The following SLC4A4 variants were observed in gnomAD, a reference collection of about 807,000 sequenced individuals.
SLC4A4 encodes the protein solute carrier family 4 member 4, also known as electrogenic sodium bicarbonate cotransporter 1.
Under a neutral mutation model 111.5 loss-of-function variants are expected in SLC4A4, and 27 were observed. The ratio of observed to expected loss-of-function variants is 0.24; its 90% CI spans 0.18 to 0.33. The LOEUF is 0.33. Ranked by LOEUF, SLC4A4 falls within the 10% of genes least tolerant of loss-of-function variation. The probability of loss-of-function intolerance (pLI) is 1.00; values close to 1 mark genes in which losing one functional copy is unlikely to be tolerated. For synonymous variants in SLC4A4, 443 were observed against 463.4 expected (o/e 0.96, Z 0.57); for missense variants, 909 against 1,315.5 (o/e 0.69, Z 4.78).
intron 15 of SLC4A4, among the ~76,000 whole-genome samples, chr4:71,495,458 A>G (rs987162554): frequency 9.9e-5 from 15 of 152,142 alleles, no homozygotes; most frequent in Admixed American, 8.5e-4. Context: ...AAAATGAGAT[A>G]TGATTAATCA....
intron 6 of SLC4A4, among the ~76,000 whole-genome samples, chr4:71,365,959 C>T (rs1053603224): frequency 1.1e-4 from 16 of 152,116 alleles, no homozygotes; most frequent in Non-Finnish European, 1.9e-4. Flanking sequence ...TAATTTATTT[C>T]CCACACATCA....
chr4:71,524,824 C>T (rs1030553717), intron 16 of SLC4A4, among the ~76,000 whole-genome samples: 1 of 152,018 alleles, frequency 6.6e-6, no homozygotes, highest in Admixed American at 6.6e-5. Flanking sequence ...TTTCCAAGCA[C>T]CACAATCACT....
chr4:71,452,725 T>C (rs574783825), intron 11 of SLC4A4, among the ~76,000 whole-genome samples: 1 of 152,274 alleles, frequency 6.6e-6, no homozygotes, highest in South Asian at 2.1e-4. Flanking sequence ...TGCTGACATT[T>C]GTCATGGGAC....
chr4:71,538,657 T>C (rs1441800527), intron 18 of SLC4A4, among the ~76,000 whole-genome samples: 1 of 152,098 alleles, frequency 6.6e-6, no homozygotes. Context: ...AGCATTGTGG[T>C]ATTAAAAACA....
chr4:71,248,841 A>C (rs1355650582), intron 2 of SLC4A4, among the ~76,000 whole-genome samples: 1 of 152,160 alleles, frequency 6.6e-6, no homozygotes, highest in African/African-American at 2.4e-5. Context: ...CCTTCATCTA[A>C]GACTATAATT....
intron 20 of SLC4A4, among the ~76,000 whole-genome samples, chr4:71,549,949 A>G (rs1048434353): frequency 1.3e-5 from 2 of 151,916 alleles, no homozygotes; most frequent in African/African-American, 4.8e-5. Context: ...AAGAAGGCAG[A>G]GAGCTGTAAG....
At chr4:71,290,357 G>C (rs1446020745) in intron 3 of SLC4A4, among the ~76,000 whole-genome samples, 9 of 152,126 alleles carry the variant, frequency 5.9e-5, no homozygotes, top group Admixed American at 5.9e-4. Flanking sequence ...AGTATAGTCA[G>C]CAAATGAGAC....
chr4:71,340,355 AT>A (rs1380597529), intron 4 of SLC4A4, among the ~76,000 whole-genome samples: 1 of 152,224 alleles, frequency 6.6e-6, no homozygotes, highest in Non-Finnish European at 1.5e-5. Context: ...ACAGTAAGAT[AT>A]TTTGAGAGAG....
At chr4:71,423,073 G>A (rs972802391) in intron 7 of SLC4A4, among the ~76,000 whole-genome samples, 1 of 152,150 alleles carries the variant, frequency 6.6e-6, no homozygotes. Context: ...CGACATGGTT[G>A]TATATCTAGA....
intron 18 of SLC4A4, among the ~76,000 whole-genome samples, chr4:71,539,390 TG>T (rs1337461208): frequency 2.0e-4 from 31 of 152,118 alleles, no homozygotes; most frequent in Non-Finnish European, 2.1e-4. Flanking sequence ...TGTCCTAGCC[TG>T]GGTTTTAAGA....
chr4:71,303,767 C>G (rs1725457732), intron 3 of SLC4A4, among the ~76,000 whole-genome samples: 2 of 151,802 alleles, frequency 1.3e-5, no homozygotes, highest in South Asian at 2.1e-4. Flanking sequence ...CTTTCTTCTT[C>G]CCCTCCCTCC....
At chr4:71,396,791 G>A (rs557828061) in intron 6 of SLC4A4, among the ~76,000 whole-genome samples, 1 of 152,174 alleles carries the variant, frequency 6.6e-6, no homozygotes, top group African/African-American at 2.4e-5. Flanking sequence ...GAAATCATTG[G>A]ATGGATCACC....
intron 1 of SLC4A4, among the ~76,000 whole-genome samples, chr4:71,187,670 A>T (rs913879811): frequency 6.6e-6 from 1 of 152,062 alleles, no homozygotes; most frequent in Admixed American, 6.5e-5. Context: ...CCTCACTGCT[A>T]AGTCCCCTGC....
intron 6 of SLC4A4, among the ~76,000 whole-genome samples, chr4:71,369,611 A>G (rs529708135): frequency 4.7e-4 from 71 of 152,296 alleles, no homozygotes; most frequent in South Asian, 2.1e-3. Context: ...AATACCTACT[A>G]TATGCCAGAA....
At chr4:71,555,238 G>A in intron 21 of SLC4A4, 30 bp downstream of exon 21, 1 of 1,436,102 alleles carries the variant, frequency 7.0e-7, no homozygotes, top group Non-Finnish European at 9.8e-7. Flanking sequence ...TGTAAGTACA[G>A]TAGTGTTTTT....
chr4:71,405,145 A>G (rs908654622), intron 7 of SLC4A4, among the ~76,000 whole-genome samples: 2 of 152,062 alleles, frequency 1.3e-5, no homozygotes, highest in Admixed American at 6.6e-5. Context: ...TACTATAGTA[A>G]CATGTTATTA....
At chr4:71,514,651 A>C (rs1049958830) in intron 16 of SLC4A4, among the ~76,000 whole-genome samples, 2 of 152,182 alleles carry the variant, frequency 1.3e-5, no homozygotes, top group African/African-American at 4.8e-5. Context: ...GAGACATTTT[A>C]TTACTGATTC....
intron 2 of SLC4A4, among the ~76,000 whole-genome samples, chr4:71,158,097 CTG>C (rs139897656): frequency 0.11 from 15,124 of 136,734 alleles, 723 homozygotes; most frequent in African/African-American, 0.2. Context: ...ATCCTTGACT[CTG>C]TGTGTGTGTG....
chr4:71,242,514 G>A (rs1338914885), intron 2 of SLC4A4, among the ~76,000 whole-genome samples: 3 of 152,006 alleles, frequency 2.0e-5, no homozygotes, highest in Non-Finnish European at 4.4e-5. Flanking sequence ...TGTAAAATGG[G>A]AGCAATGGAG....
Sources: allele counts gnomAD v4.1 joint callset (sites outside exome capture counted in the v4.1 genomes callset), GRCh38; gene constraint gnomAD v4.1.1; transcripts MANE v1.5; gene names NCBI Gene and HGNC (gene_info 2026-07-23, HGNC 2026-07-21).